DTNA: variants seen among roughly 807,000 people sequenced by gnomAD.
DTNA encodes the protein dystrobrevin alpha, also known as dystrophin-related protein 3.
In DTNA, 43 loss-of-function variants were observed where a neutral mutation model predicts 100.7. That is an observed-to-expected ratio of 0.43 (90% CI 0.33 to 0.55). The LOEUF (loss-of-function observed/expected upper bound fraction) is 0.55, where lower values mean the gene tolerates loss of function less well. Ranked by LOEUF, DTNA falls within the 20% of genes least tolerant of loss-of-function variation. DTNA has a pLI of 0.04. For synonymous variants in DTNA, 349 were observed against 347.9 expected, an observed-to-expected ratio of 1.00 and a Z score of -0.04; for missense variants, 798 against 953.9, an observed-to-expected ratio of 0.84 and a Z score of 2.15.
intron 1 of DTNA, among the ~76,000 whole-genome samples, chr18:34,699,047 C>T (rs2081006499): frequency 6.6e-6 from 1 of 151,338 alleles, no homozygotes; most frequent in African/African-American, 2.4e-5. Context: ...TCTGAAAAGA[C>T]TTTATTTCTA....
rs544049703 is a variant in DTNA, at chr18:34,557,391, C to G, written c.-2+63877C>G. On this transcript the variant is annotated intron_variant, in intron 1 of 19. Transcript: ENST00000283365. ...CTCGTCAAAGTCATTCTCCATCCAGCTTTGTTCCATTGCTGGTGAGGAACT... is the reference window on the plus strand; with the variant it reads ...CTCGTCAAAGTCATTCTCCATCCAGGTTTGTTCCATTGCTGGTGAGGAACT... Among the ~76,000 whole-genome samples the G allele has an allele frequency of 2.9e-4, 44 of 151,812 alleles. No homozygotes were observed. The South Asian group carries it at 8.9e-3, about 31-fold the overall frequency.
chr18:34,851,752 A>G (rs2096482510), intron 14 of DTNA, 79 bp from the exon 15 acceptor site: 2 of 1,403,244 alleles, frequency 1.4e-6, no homozygotes, highest in African/African-American at 1.4e-5. Context: ...CCTTGTCTGC[A>G]TATCTCATGA....
intron 1 of DTNA, among the ~76,000 whole-genome samples, chr18:34,604,290 A>T (rs1268876042): frequency 2.7e-4 from 41 of 152,070 alleles, no homozygotes. Flanking sequence ...TCAATACTTT[A>T]AAAAAAATTT....
chr18:34,868,792 TTTTTTTTTACAAAAC>T, intron 17 of DTNA: 1 of 971,534 alleles, frequency 1.0e-6, no homozygotes, highest in Non-Finnish European at 1.2e-6. Flanking sequence ...AAGCAATAAA[TTTTTTTTTACAAAAC>T]TTGAATTGAA....
chr18:34,853,885 C>T (rs2096519880), intron 15 of DTNA, among the ~76,000 whole-genome samples: 1 of 151,956 alleles, frequency 6.6e-6, no homozygotes, highest in Admixed American at 6.6e-5. Context: ...AGTAATTGTG[C>T]CAAGTCAGAA....
intron 1 of DTNA, among the ~76,000 whole-genome samples, chr18:34,702,820 G>T (rs2146229932): frequency 6.6e-6 from 1 of 152,134 alleles, no homozygotes; most frequent in East Asian, 1.9e-4. Flanking sequence ...ATAAAGCCAT[G>T]AACTCTGTAG....
chr18:34,562,167 C>G (rs1389667250), intron 1 of DTNA, among the ~76,000 whole-genome samples: 7 of 151,960 alleles, frequency 4.6e-5, no homozygotes, highest in Admixed American at 3.9e-4. Flanking sequence ...ATAATAAAAC[C>G]GTACAACAAC....
chr18:34,625,187 C>T (rs554071821), intron 1 of DTNA, among the ~76,000 whole-genome samples: 40 of 152,196 alleles, frequency 2.6e-4, no homozygotes, highest in African/African-American at 7.9e-4. Context: ...CCACCACGTC[C>T]GGCTAATTTT....
At chr18:34,502,263 C>A (rs2144635459) in intron 1 of DTNA, among the ~76,000 whole-genome samples, 1 of 152,260 alleles carries the variant, frequency 6.6e-6, no homozygotes, top group Admixed American at 6.5e-5. Flanking sequence ...TCTCTCTTTT[C>A]TGTCAGTTTT....
chr18:34,864,483 G>A (rs1190827155), intron 17 of DTNA, among the ~76,000 whole-genome samples: 1 of 151,178 alleles, frequency 6.6e-6, no homozygotes, highest in Non-Finnish European at 1.5e-5. Context: ...TCGATCTCCT[G>A]ACCTCGTGAT....
chr18:34,502,258 C>T (rs1342884112), intron 1 of DTNA, among the ~76,000 whole-genome samples: 1 of 152,152 alleles, frequency 6.6e-6, no homozygotes, highest in Non-Finnish European at 1.5e-5. Flanking sequence ...TGTCTTCTCT[C>T]TTTTCTGTCA....
chr18:34,725,925 A>G (rs562737020), intron 1 of DTNA, among the ~76,000 whole-genome samples: 11 of 152,364 alleles, frequency 7.2e-5, no homozygotes, highest in African/African-American at 2.6e-4. Context: ...GCCATAAAAA[A>G]GGATGAGTTC....
At chr18:34,857,913 T>C (rs2096572412) in intron 15 of DTNA, among the ~76,000 whole-genome samples, 1 of 152,200 alleles carries the variant, frequency 6.6e-6, no homozygotes, top group African/African-American at 2.4e-5. Flanking sequence ...AACAGGAAGA[T>C]GCATTTTTGT....
Position 34,667,827 on chromosome 18 carries a change from A to G in DTNA, c.-1-88149A>G, listed in dbSNP as rs1033738179. ...GATGTGCTGCTGGATTTGGTTTGCC[A>G]GTATTTTATTGAGGATTTTTGCATC... On this transcript the variant is annotated intron_variant, in intron 1 of 19. Coordinates refer to the DTNA transcript ENST00000283365. 2.6e-4 allele frequency among the ~76,000 whole-genome samples: 40 copies of G among 152,290 alleles called. 2 individuals are homozygous for G. The highest frequency in any genetic ancestry group is 2.4e-3 in the Admixed American group (37 of 15,294).
intron 4 of DTNA, among the ~76,000 whole-genome samples, chr18:34,797,606 T>A (rs2095035362): frequency 6.6e-6 from 1 of 152,214 alleles, no homozygotes; most frequent in Non-Finnish European, 1.5e-5. Context: ...CAAAGGACCT[T>A]TAATGTTGTT....
chr18:34,738,614 G>T (rs2090076934), intron 1 of DTNA, among the ~76,000 whole-genome samples: 1 of 152,098 alleles, frequency 6.6e-6, no homozygotes, highest in African/African-American at 2.4e-5. Flanking sequence ...CTGCACCTCG[G>T]TCTCTTTATC....
At chr18:34,755,790 A>G (rs563600867) in intron 1 of DTNA, among the ~76,000 whole-genome samples, 186 bp from the exon 2 acceptor site, 6 of 152,350 alleles carry the variant, frequency 3.9e-5, no homozygotes, top group African/African-American at 1.4e-4. Flanking sequence ...CAACAATAAT[A>G]TATATGGAAA....
chr18:34,633,600 AG>A (rs1381301161), intron 1 of DTNA, among the ~76,000 whole-genome samples: 6 of 152,164 alleles, frequency 3.9e-5, no homozygotes, highest in Non-Finnish European at 7.3e-5. Context: ...GAATACACAC[AG>A]TACTAACAGG....
chr18:34,495,379 A>G lies in DTNA; in HGVS notation c.-2+1865A>G, dbSNP rs1253440240. 1.3e-5 allele frequency among the ~76,000 whole-genome samples: 2 copies of G among 152,238 alleles called. 1 individual carries two copies. Among genetic ancestry groups the G allele is most frequent in the Non-Finnish European group, 2.9e-5 (2 of 68,046 alleles). On this transcript the variant is annotated intron_variant, in intron 1 of 19. Transcript: ENST00000283365. ...AATGATTAAAGTTGCATTTCACCAT[A>G]AAGTTGAGATTTTCAGCCGTTAAGA...
Sources: allele counts gnomAD v4.1 joint callset (sites outside exome capture counted in the v4.1 genomes callset), GRCh38; gene constraint gnomAD v4.1.1; transcripts MANE v1.5; gene names NCBI Gene and HGNC (gene_info 2026-07-23, HGNC 2026-07-21).